Variants in SNTG1 observed in about 807,000 individuals in gnomAD.
SNTG1 encodes gamma-1-syntrophin.
Under a neutral mutation model 74.7 loss-of-function variants are expected in SNTG1, and 39 were observed. The observed-to-expected ratio is 0.52, with a 90% CI of 0.40 to 0.68. The LOEUF is 0.68. Ranked by LOEUF, SNTG1 falls within the 30% of genes least tolerant of loss-of-function variation. The probability of loss-of-function intolerance (pLI) is 0.00; values close to 1 mark genes in which losing one functional copy is unlikely to be tolerated. For synonymous variants in SNTG1, 254 were observed against 217.1 expected, an observed-to-expected ratio of 1.17 and a Z score of -1.49; for missense variants, 685 against 609.5, an observed-to-expected ratio of 1.12 and a Z score of -1.30.
chr8:50,544,696 A>T (rs1416098841), intron 11 of SNTG1, among the ~76,000 whole-genome samples: 2 of 152,090 alleles, frequency 1.3e-5, no homozygotes, highest in Non-Finnish European at 2.9e-5. Context: ...CATGACAGCA[A>T]TAAGCATTTA....
chr8:50,526,829 G>A (rs192052584), intron 9 of SNTG1, among the ~76,000 whole-genome samples: 1 of 151,770 alleles, frequency 6.6e-6, no homozygotes, highest in Non-Finnish European at 1.5e-5. Context: ...TCACCATGTT[G>A]GCCAGGATGG....
At chr8:50,482,853 A>T (rs1006837085) in intron 8 of SNTG1, among the ~76,000 whole-genome samples, 1 of 152,156 alleles carries the variant, frequency 6.6e-6, no homozygotes, top group Non-Finnish European at 1.5e-5. Context: ...TTTAGTTTGG[A>T]GGAGAGTTGG....
At chr8:50,711,427 A>C (rs1049476711) in intron 17 of SNTG1, among the ~76,000 whole-genome samples, 2 of 152,176 alleles carry the variant, frequency 1.3e-5, no homozygotes. Flanking sequence ...AGCAAACCAA[A>C]GGTCTTGAAA....
At chr8:50,064,329 C>A (rs919319445) in intron 1 of SNTG1, among the ~76,000 whole-genome samples, 3 of 152,012 alleles carry the variant, frequency 2.0e-5, no homozygotes, top group African/African-American at 7.3e-5. Flanking sequence ...TCTTTCTATA[C>A]TTCACTCCTC....
chr8:49,942,705 T>C (rs1384913034), intron 1 of SNTG1, among the ~76,000 whole-genome samples: 1 of 152,200 alleles, frequency 6.6e-6, no homozygotes, highest in Admixed American at 6.5e-5. Flanking sequence ...TTGGGGTTTC[T>C]TTGATGTTTC....
chr8:50,558,839 A>C (rs986076509), intron 12 of SNTG1, among the ~76,000 whole-genome samples: 1 of 152,188 alleles, frequency 6.6e-6, no homozygotes, highest in African/African-American at 2.4e-5. Context: ...ATTCAACAAA[A>C]TAAAGATTTA....
At chr8:50,011,485 T>C (rs1391493502) in intron 1 of SNTG1, among the ~76,000 whole-genome samples, 2 of 152,128 alleles carry the variant, frequency 1.3e-5, no homozygotes, top group African/African-American at 4.8e-5. Context: ...GATGAAGTTA[T>C]TTATCATTAC....
chr8:50,552,645 A>T (rs2094433750), intron 11 of SNTG1, among the ~76,000 whole-genome samples: 1 of 152,312 alleles, frequency 6.6e-6, no homozygotes, highest in South Asian at 2.1e-4. Flanking sequence ...TGTTTTTACG[A>T]TCTTTCTAAG....
chr8:49,932,215 C>T (rs911668554), intron 1 of SNTG1, among the ~76,000 whole-genome samples: 1 of 152,124 alleles, frequency 6.6e-6, no homozygotes, highest in African/African-American at 2.4e-5. Flanking sequence ...GTTCCTATTA[C>T]AGCTTCTAAA....
chr8:50,490,524 T>C (rs187551118), intron 8 of SNTG1, among the ~76,000 whole-genome samples: 2 of 152,312 alleles, frequency 1.3e-5, no homozygotes, highest in South Asian at 4.1e-4. Flanking sequence ...ATTCTCCTTG[T>C]GCAATTGTGA....
chr8:50,528,247 G>A (rs768269614), intron 9 of SNTG1, among the ~76,000 whole-genome samples: 3 of 151,778 alleles, frequency 2.0e-5, no homozygotes, highest in Non-Finnish European at 4.4e-5. Flanking sequence ...GGTTTATTTT[G>A]TCATTAGTTA....
intron 2 of SNTG1, among the ~76,000 whole-genome samples, chr8:50,250,495 T>A (rs571313480): frequency 6.6e-6 from 1 of 152,142 alleles, no homozygotes; most frequent in African/African-American, 2.4e-5. Flanking sequence ...AACCCAAAAA[T>A]ATTCTTTCCA....
Position 50,177,279 on chromosome 8 carries a change from T to C in SNTG1, c.-28+4644T>C, listed in dbSNP as rs138165514. 4.4e-3 allele frequency among the ~76,000 whole-genome samples: 672 copies of C among 152,314 alleles called. 7 individuals carry two copies. Among genetic ancestry groups the C allele is most frequent in the South Asian group, 0.03 (143 of 4,832 alleles). On this transcript the variant is annotated intron_variant, in intron 2 of 18. Transcript: ENST00000642720. ...AGAGTGTGGGGCCCTCTTGTTCATA[T>C]GACTTTCCACATCTGCTCAGTCCTG...
At chr8:50,633,186 T>C (rs2095014800) in intron 13 of SNTG1, among the ~76,000 whole-genome samples, 1 of 151,980 alleles carries the variant, frequency 6.6e-6, no homozygotes, top group South Asian at 2.1e-4. Flanking sequence ...GAGAAAAGGG[T>C]ATAGGAAGAG....
chr8:50,557,515 T>A (rs1287404348), intron 12 of SNTG1, among the ~76,000 whole-genome samples: 1 of 152,186 alleles, frequency 6.6e-6, no homozygotes, highest in African/African-American at 2.4e-5. Context: ...CTGGACTCTG[T>A]AATGCAGAAG....
At chr8:50,160,877 A>G (rs1459239335) in intron 1 of SNTG1, among the ~76,000 whole-genome samples, 2 of 152,134 alleles carry the variant, frequency 1.3e-5, no homozygotes, top group Non-Finnish European at 2.9e-5. Context: ...AGGAGTTTTG[A>G]AAACAACTGG....
At position 50,113,942 on chromosome 8, in the gene SNTG1, A is replaced by C. The variant is rs924449700; in HGVS notation, c.-102-58619A>C. ...TATACAAATAAATAAATAAATAAAT[A>C]AATAAATAAATATGCATGGATGTCT... On this transcript the variant is annotated intron_variant, in intron 1 of 18. Coordinates refer to ENST00000642720, the MANE Select transcript of SNTG1 (RefSeq NM_018967.5). Among the ~76,000 whole-genome samples the C allele has an allele frequency of 1.3e-4, 19 of 151,790 alleles. No homozygotes were observed. The South Asian group carries it at 3.9e-3, about 31-fold the overall frequency.
intron 2 of SNTG1, among the ~76,000 whole-genome samples, chr8:50,184,783 A>G (rs1193860765): frequency 6.6e-6 from 1 of 152,216 alleles, no homozygotes; most frequent in African/African-American, 2.4e-5. Flanking sequence ...CCCCAAATGT[A>G]AAAACATAAG....
At chr8:50,322,093 G>T (rs1051026522) in intron 2 of SNTG1, among the ~76,000 whole-genome samples, 1 of 146,782 alleles carries the variant, frequency 6.8e-6, no homozygotes, top group Admixed American at 7.1e-5. Flanking sequence ...TCAGATTGGA[G>T]AATTGCCTTT....
Sources: allele counts gnomAD v4.1 joint callset (sites outside exome capture counted in the v4.1 genomes callset), GRCh38; gene constraint gnomAD v4.1.1; transcripts MANE v1.5; gene names NCBI Gene and HGNC (gene_info 2026-07-23, HGNC 2026-07-21).